The following PDE1B variants were observed in gnomAD, a reference collection of about 807,000 sequenced individuals.
PDE1B encodes the protein phosphodiesterase 1B.
In PDE1B, 13 loss-of-function variants were observed where a neutral mutation model predicts 66.7. The ratio of observed to expected loss-of-function variants is 0.19; its 90% CI spans 0.13 to 0.31. The LOEUF is 0.31. Among genes scored for constraint, PDE1B ranks in the 10% least tolerant of loss-of-function variants. The probability of loss-of-function intolerance (pLI) is 1.00; values close to 1 mark genes in which losing one functional copy is unlikely to be tolerated. For synonymous variants in PDE1B, 230 were observed against 253.9 expected (o/e 0.91, Z 0.90); for missense variants, 485 against 682.3 (o/e 0.71, Z 3.22).
intron 2 of PDE1B, among the ~76,000 whole-genome samples, chr12:54,558,754 C>T (rs1316068576): frequency 6.6e-6 from 1 of 152,162 alleles, no homozygotes; most frequent in Non-Finnish European, 1.5e-5. Flanking sequence ...CATCTGAGGC[C>T]TGGATGGAAA....
At position 54,573,878 on chromosome 12, in the gene PDE1B, T is replaced by TGC. The variant is rs1957671085; in HGVS notation, c.1064+170_1064+171insCG. On this transcript the variant is annotated intron_variant, in intron 10 of 15. Transcript: ENST00000243052. This position sits in a 1 kb window ranked among gnomAD's most constrained non-coding sequence, Gnocchi z 5.2. Reference sequence around the variant, plus strand: ...ATGTGAGAGAGAGAGAGAGTGTGTGTGTGTGTGTGTGTGTGTGTGTGTGTG... The same window carrying TGC: ...ATGTGAGAGAGAGAGAGAGTGTGTGTGCGTGTGTGTGTGTGTGTGTGTGTGTG... 1 of 360,284 alleles carries TGC rather than the reference T, an allele frequency of 2.8e-6. No homozygotes were observed. Among genetic ancestry groups the TGC allele is most frequent in the Non-Finnish European group, 5.1e-6 (1 of 196,300 alleles). 22.3% of individuals were successfully genotyped at this position (360,284 alleles called of 1,614,324 possible). A position where few individuals can be genotyped will look rare whatever the true frequency, so the allele number is the denominator to read the frequency against.
chr12:54,574,993 A>AAT, intron 10 of PDE1B, 105 bp from the exon 11 acceptor site: 10 of 871,044 alleles, frequency 1.1e-5, no homozygotes, highest in Non-Finnish European at 1.6e-5. Context: ...AAAAAAAAAA[A>AAT]GGAAGAAGTT....
At chr12:54,574,783 C>A in intron 10 of PDE1B, 1 of 187,940 alleles carries the variant, frequency 5.3e-6, no homozygotes, top group South Asian at 9.8e-5. Flanking sequence ...CCAGCCTGGC[C>A]AACACGGTGA....
In PDE1B at chr12:54,573,046, C is replaced by CA; in HGVS notation, c.736-101dup. ...CATTAACCAAGAGCTGGCCTGGAAG[C>CA]ATGGAAGGGATGGGATGAGTGATCT... is the stretch of plus-strand genomic sequence containing the variant. On this transcript the variant is annotated intron_variant, in intron 7 of 15. Coordinates refer to ENST00000243052, the MANE Select transcript of PDE1B (RefSeq NM_000924.4). This position sits in a 1 kb window ranked among gnomAD's most constrained non-coding sequence, Gnocchi z 5.2. 1.1e-6 allele frequency: 1 copy of CA among 885,838 alleles called. No individual in the cohort carries two copies. 54.9% of individuals were successfully genotyped at this position (885,838 alleles called of 1,614,324 possible). A position where few individuals can be genotyped will look rare whatever the true frequency, so the allele number is the denominator to read the frequency against.
At chr12:54,559,328 C>T (rs1374293191) in intron 2 of PDE1B, among the ~76,000 whole-genome samples, 1 of 148,178 alleles carries the variant, frequency 6.7e-6, no homozygotes, top group African/African-American at 2.5e-5. Context: ...CCTTATTCTT[C>T]ACTGCAGGCT....
At position 54,573,068 on chromosome 12, in the gene PDE1B, A is replaced by T; in HGVS notation, c.736-80A>T. 4.9e-6 allele frequency: 5 copies of T among 1,017,746 alleles called. No individual in the cohort carries two copies. The South Asian group carries it at 6.5e-5, about 13-fold the overall frequency. 63.0% of individuals were successfully genotyped at this position (1,017,746 alleles called of 1,614,324 possible). A position where few individuals can be genotyped will look rare whatever the true frequency, so the allele number is the denominator to read the frequency against. ...AAGCATGGAAGGGATGGGATGAGTG[A>T]TCTAGCCTGTGTGTGGAGGTTCCTG... On this transcript the variant is annotated intron_variant, in intron 7 of 15. Transcript: ENST00000243052. This position sits in a 1 kb window ranked among gnomAD's most constrained non-coding sequence, Gnocchi z 5.2.
chr12:54,552,218 G>A (rs1184771764), intron 2 of PDE1B, among the ~76,000 whole-genome samples: 1 of 152,172 alleles, frequency 6.6e-6, no homozygotes, highest in Non-Finnish European at 1.5e-5. Context: ...TGGGTAAGAG[G>A]TGGGAGTTTC....
Position 54,569,564 on chromosome 12 carries a change from C to A in PDE1B, c.429C>A (p.Tyr143Ter), listed in dbSNP as rs1312477114. Residue 143 changes from tyrosine to a stop codon, truncating the protein, a stop_gained, in exon 5 of 16, where the codon TAC (tyrosine) becomes TAA (stop). Coordinates refer to ENST00000243052, the MANE Select transcript of PDE1B (RefSeq NM_000924.4). LOFTEE classifies it high-confidence loss of function. The surrounding 1 kb of genome is among the most constrained non-coding windows in gnomAD (Gnocchi z 4.4). ...IFVERMFRRT[Y>*]TSVGPTYSTA... ...CTCTCAGGATGTTCCGGAGAACATA[C>A]ACCTCTGTGGGCCCCACTTACTCTA... 1 of 1,613,574 alleles carries A rather than the reference C, an allele frequency of 6.2e-7. No homozygotes were observed. The highest frequency in any genetic ancestry group is 8.5e-7 in the Non-Finnish European group (1 of 1,179,460).
chr12:54,577,598 T>G (rs112095658), intron 15 of PDE1B: 3 of 1,484,326 alleles, frequency 2.0e-6, no homozygotes, highest in East Asian at 4.6e-5. Context: ...GGTGGGCCCA[T>G]GCCAGGTGAC....
Position 54,570,220 on chromosome 12 carries a change from TA to T in PDE1B, c.478-19del. On this transcript the variant is annotated intron_variant, in intron 5 of 15. Coordinates refer to ENST00000243052, the MANE Select transcript of PDE1B (RefSeq NM_000924.4). ...CCCTTGCTGCTGCTGGAAAGCCACA[TA>T]ATCTATTGTTTCTCCATAGAACCTG... is the stretch of plus-strand genomic sequence containing the variant. The T allele has an allele frequency of 6.9e-7, 1 of 1,444,336 alleles. No individual in the cohort carries two copies. The highest frequency in any genetic ancestry group is 9.8e-7 in the Non-Finnish European group (1 of 1,024,828). The allele number at this position is 1,444,336 out of a possible 1,614,324, so 89.5% of individuals were successfully genotyped here. A position where few individuals can be genotyped will look rare whatever the true frequency, so the allele number is the denominator to read the frequency against.
chr12:54,571,471 T>C (rs1411804725), intron 6 of PDE1B: 1 of 152,288 alleles, frequency 6.6e-6, no homozygotes. Flanking sequence ...TAGATTCTCC[T>C]AAACTCTGCC....
chr12:54,561,642 G>C, intron 2 of PDE1B: 2 of 1,533,362 alleles, frequency 1.3e-6, no homozygotes, highest in Non-Finnish European at 1.7e-6. Context: ...TCTCAGGTAG[G>C]TGCCAGGGAT....
rs989559406 is a variant in PDE1B at position 54,575,763 on chromosome 12, A to C, written c.1267+131A>C. The C allele has an allele frequency of 1.0e-5, 8 of 799,818 alleles. No individual in the cohort carries two copies. In the African/African-American group the frequency reaches 1.2e-4, roughly 12 times the overall value. 49.5% of individuals were successfully genotyped at this position (799,818 alleles called of 1,614,324 possible). On this transcript the variant is annotated intron_variant, in intron 12 of 15. Transcript: ENST00000243052. The surrounding 1 kb of genome is among the most constrained non-coding windows in gnomAD (Gnocchi z 4.0). ...AGAGGAAAGCCTACTGTGCTAGAGC[A>C]TGGGGTCCTGGGTTAGGAGGCCAGG...
rs151320604 is a variant in PDE1B, at chr12:54,556,003, C to T, written c.113+6018C>T. ...AGCTTGCTATAGGTGCCCTCTGGGG[C>T]CTTAGGAGTCCAGCCCCGACTCCTG... On this transcript the variant is annotated intron_variant, in intron 2 of 15. Coordinates refer to ENST00000243052, the MANE Select transcript of PDE1B (RefSeq NM_000924.4). Among the ~76,000 whole-genome samples the T allele has an allele frequency of 3.3e-4, 50 of 152,236 alleles. No individual in the cohort carries two copies. In the East Asian group the frequency reaches 5.4e-3, roughly 16 times the overall value.
chr12:54,552,658 AT>A (rs1275899735), intron 2 of PDE1B, among the ~76,000 whole-genome samples: 1 of 152,236 alleles, frequency 6.6e-6, no homozygotes, highest in Non-Finnish European at 1.5e-5. Flanking sequence ...TAAATTCAGA[AT>A]CTAATCTGTA....
At chr12:54,567,140 A>G in intron 3 of PDE1B, 53 bp downstream of exon 3, 1 of 933,586 alleles carries the variant, frequency 1.1e-6, no homozygotes, top group Non-Finnish European at 1.7e-6. Flanking sequence ...ATAGTGTTCC[A>G]GAGAGAGGGG....
Position 54,573,421 on chromosome 12 carries a change from C to T in PDE1B, c.903C>T (p.Phe301=), listed in dbSNP as rs1174570530. 10 of 1,613,908 alleles carry T rather than the reference C, an allele frequency of 6.2e-6. No homozygotes were observed. In the South Asian group the frequency reaches 1.1e-4, roughly 18 times the overall value. ...AGAATCACCACATCAGCTCTGTTTT[C>T]CGATTGATGCAGGATGATGAGATGA... ...VLENHHISSV[F]RLMQDDEMNI... is the part of the protein sequence containing the mutation. Residue 301 remains phenylalanine (F), a synonymous_variant, in exon 9 of 16, where the codon TTC becomes TTT. Coordinates refer to ENST00000243052, the MANE Select transcript of PDE1B (RefSeq NM_000924.4). The surrounding 1 kb of genome is among the most constrained non-coding windows in gnomAD (Gnocchi z 5.2).
At position 54,573,702 on chromosome 12, in the gene PDE1B, C is replaced by T. The variant is rs531237352; in HGVS notation, c.1057C>T (p.Leu353=). The change falls in exon 10 of 16, where the codon CTG becomes TTG. Residue 353 remains leucine, a synonymous_variant. Coordinates refer to ENST00000243052, the MANE Select transcript of PDE1B (RefSeq NM_000924.4). The surrounding 1 kb of genome is among the most constrained non-coding windows in gnomAD (Gnocchi z 5.2). ...GACCATGAAGACAGCCTTGCAACAG[C>T]TGGAGAGGTGGCATCTGGTGGGGTG... ...VKTMKTALQQ[L]ERIDKPKALS... 1.9e-6 allele frequency: 3 copies of T among 1,613,246 alleles called. No individual in the cohort carries two copies. Among genetic ancestry groups the T allele is most frequent in the South Asian group, 1.1e-5 (1 of 91,058 alleles).
rs774810310 is a variant in PDE1B, at chr12:54,573,870, A to AGAGAGAGAGTGTGT, written c.1064+162_1064+163insAGAGAGAGTGTGTG. On this transcript the variant is annotated intron_variant, in intron 10 of 15. Transcript: ENST00000243052. This position sits in a 1 kb window ranked among gnomAD's most constrained non-coding sequence, Gnocchi z 5.2. The stretch of plus-strand genomic sequence containing the variant: ...GCATCTCTATGTGAGAGAGAGAGAG[A>AGAGAGAGAGTGTGT]GTGTGTGTGTGTGTGTGTGTGTGTG... The AGAGAGAGAGTGTGT allele has an allele frequency of 4.4e-5, 22 of 502,108 alleles. No individual in the cohort carries two copies. The highest frequency in any genetic ancestry group is 4.2e-4 in the African/African-American group (19 of 44,970). The allele number at this position is 502,108 out of a possible 1,614,324, so 31.1% of individuals were successfully genotyped here.
Sources: allele counts gnomAD v4.1 joint callset (sites outside exome capture counted in the v4.1 genomes callset), GRCh38; gene constraint gnomAD v4.1.1; non-coding constraint Gnocchi (gnomAD v3.1); transcripts MANE v1.5; gene names NCBI Gene and HGNC (gene_info 2026-07-23, HGNC 2026-07-21).